BRWD3: variants seen among roughly 807,000 people sequenced by gnomAD.
BRWD3 encodes the protein bromodomain and WD repeat-containing protein 3.
BRWD3 carries 10 observed loss-of-function variants against 149.7 expected under a neutral mutation model. The ratio of observed to expected loss-of-function variants is 0.07; its 90% CI spans 0.04 to 0.11. The LOEUF (loss-of-function observed/expected upper bound fraction) is 0.11, where lower values mean the gene tolerates loss of function less well. Among genes scored for constraint, BRWD3 ranks in the 10% least tolerant of loss-of-function variants. The pLI is 1.00. For missense variants in BRWD3, 940 were observed against 1,373.2 expected, an observed-to-expected ratio of 0.68 and a Z score of 4.99; for synonymous variants, 504 against 456.7, an observed-to-expected ratio of 1.10 and a Z score of -1.32.
At chrX:80,781,719 C>A (rs1165156930) in intron 6 of BRWD3, among the ~76,000 whole-genome samples, 1 of 111,036 alleles carries the variant, frequency 9.0e-6, no homozygotes, top group African/African-American at 3.3e-5. Flanking sequence ...GCCAACAGAG[C>A]ACAATATGAA....
rs902805725 is a variant in BRWD3, at chrX:80,706,799, G to A, written c.2552+628C>T. Among the ~76,000 whole-genome samples, 8 of 113,036 alleles carry A rather than the reference G, an allele frequency of 7.1e-5. 1 individual carries two copies. The highest frequency in any genetic ancestry group is 2.8e-4 in the Admixed American group (3 of 10,740). On this transcript the variant is annotated intron_variant, in intron 22 of 40. Transcript: ENST00000373275. ...ACACCCTGCTACGCAGGAGGCTGAG[G>A]TGGGACGACTGCTTGAGCCCAGGAG...
chrX:80,724,881 T>A, intron 15 of BRWD3, 52 bp downstream of exon 15: 2 of 1,180,809 alleles, frequency 1.7e-6, no homozygotes, highest in South Asian at 3.6e-5. Flanking sequence ...CAAGTTATTA[T>A]ATGAGAGAAG....
intron 6 of BRWD3, among the ~76,000 whole-genome samples, chrX:80,762,167 G>A (rs1338541611): frequency 9.0e-6 from 1 of 111,527 alleles, no homozygotes; most frequent in Non-Finnish European, 1.9e-5. Context: ...CCATTTCTGA[G>A]GCTCTCGGAA....
intron 6 of BRWD3, among the ~76,000 whole-genome samples, chrX:80,771,773 G>C (rs1011782813): frequency 9.0e-6 from 1 of 111,175 alleles, no homozygotes; most frequent in South Asian, 3.7e-4. Flanking sequence ...ATTTACAAGA[G>C]AAAAACAAAC....
intron 24 of BRWD3, among the ~76,000 whole-genome samples, chrX:80,703,152 G>C (rs1261337696): frequency 1.8e-5 from 2 of 110,590 alleles, no homozygotes; most frequent in Non-Finnish European, 3.8e-5. Flanking sequence ...ATTGGAACAT[G>C]AATGAGGACT....
intron 27 of BRWD3, among the ~76,000 whole-genome samples, chrX:80,693,918 C>T (rs182009257): frequency 8.8e-4 from 98 of 111,722 alleles, no homozygotes; most frequent in Non-Finnish European, 1.3e-3. Context: ...AAGCCAGCTG[C>T]AGAAATTTGC....
rs764349135 is a variant in BRWD3 at position 80,728,917 on chromosome X, A to T, written c.1233-12T>A. 8.3e-7 allele frequency: 1 copy of T among 1,198,444 alleles called. No individual in the cohort carries two copies. Among genetic ancestry groups the T allele is most frequent in the African/African-American group, 1.8e-5 (1 of 57,010 alleles). On this transcript the variant is annotated splice_polypyrimidine_tract_variant and intron_variant, in intron 13 of 40. Transcript: ENST00000373275. ...ATGGCAAATTATTGCTAAACAAAAC[A>T]ATTTGCAGTATTCATATCTTATAAA... is the stretch of plus-strand genomic sequence containing the variant.
At chrX:80,750,478 C>T (rs2073651016) in intron 6 of BRWD3, among the ~76,000 whole-genome samples, 1 of 110,978 alleles carries the variant, frequency 9.0e-6, no homozygotes, top group East Asian at 2.8e-4. Context: ...CGAAAAAATG[C>T]TCAACATCTC....
chrX:80,700,088 T>C, intron 24 of BRWD3, 24 bp from the exon 25 acceptor site: 4 of 1,091,132 alleles, frequency 3.7e-6, no homozygotes, highest in Non-Finnish European at 5.1e-6. Context: ...CATAAGGTAT[T>C]AAACAGCAGC....
At chrX:80,753,293 T>C (rs1332802178) in intron 6 of BRWD3, among the ~76,000 whole-genome samples, 3 of 105,279 alleles carry the variant, frequency 2.8e-5, no homozygotes, top group African/African-American at 1.1e-4. Flanking sequence ...TTTTTTTAGA[T>C]GGAGTTTCAC....
At chrX:80,775,415 A>G (rs1337249339) in intron 6 of BRWD3, among the ~76,000 whole-genome samples, 1 of 111,882 alleles carries the variant, frequency 8.9e-6, no homozygotes, top group African/African-American at 3.2e-5. Flanking sequence ...TGGGGCCCAG[A>G]GTATATTGAA....
rs755920850 is a variant in BRWD3 at position 80,677,261 on chromosome X, C to T, written c.4757G>A (p.Gly1586Glu). Residue 1586 changes from glycine (G) to glutamate (E), a missense_variant, in exon 41 of 41, where the codon GGA becomes GAA. Physicochemically the swap from Gly to Glu is moderately conservative, Grantham distance 98 (BLOSUM62 -2). Coordinates refer to ENST00000373275, the MANE Select transcript of BRWD3 (RefSeq NM_153252.5). ...TTCTTTTTTCTCTTTATCTTCTCCTCCCATGTTTTCATCTTCTTCTGATGC... is the reference window on the plus strand; with the variant it reads ...TTCTTTTTTCTCTTTATCTTCTCCTTCCATGTTTTCATCTTCTTCTGATGC... Reference protein sequence around the residue: ...LSASEEDENMGGEDKEKKETK... With the variant: ...LSASEEDENMEGEDKEKKETK... 19 of 1,208,740 alleles carry T rather than the reference C, an allele frequency of 1.6e-5. No individual in the cohort carries two copies. The South Asian group carries it at 3.0e-4, about 19-fold the overall frequency.
intron 40 of BRWD3, 29 bp from the exon 41 acceptor site, chrX:80,677,392 T>C (rs1161649550): frequency 8.4e-7 from 1 of 1,184,149 alleles, no homozygotes; most frequent in Admixed American, 2.4e-5. Context: ...TTTTTAATAG[T>C]TAAGCTTTGA....
intron 4 of BRWD3, among the ~76,000 whole-genome samples, chrX:80,795,453 G>A (rs916501707): frequency 9.2e-6 from 1 of 108,951 alleles, no homozygotes; most frequent in African/African-American, 3.3e-5. Context: ...ATATGTATGT[G>A]TATATGTATA....
At chrX:80,696,537 C>CAA (rs1199917185) in intron 26 of BRWD3, among the ~76,000 whole-genome samples, 1 of 108,084 alleles carries the variant, frequency 9.3e-6, no homozygotes, top group Non-Finnish European at 1.9e-5. Context: ...CACACACACA[C>CAA]ACACACACAC....
At chrX:80,758,237 A>T (rs2073765734) in intron 6 of BRWD3, among the ~76,000 whole-genome samples, 1 of 111,890 alleles carries the variant, frequency 8.9e-6, no homozygotes, top group Non-Finnish European at 1.9e-5. Context: ...AAGTCAAACG[A>T]GGTCTCTGTC....
At chrX:80,756,674 T>C (rs1228536590) in intron 6 of BRWD3, among the ~76,000 whole-genome samples, 3 of 111,279 alleles carry the variant, frequency 2.7e-5, no homozygotes, top group Non-Finnish European at 5.7e-5. Flanking sequence ...CAGATACAAT[T>C]GAAAAGTGTT....
rs1040821601 is a variant in BRWD3, at chrX:80,695,578, A to T, written c.3151+330T>A. ...GGAGGGAAACAAGGATGGAGGAAGG[A>T]AAAAAGGAAACAAATCACAATCAGT... is the stretch of plus-strand genomic sequence containing the variant. On this transcript the variant is annotated intron_variant, in intron 27 of 40. Transcript: ENST00000373275. Among the ~76,000 whole-genome samples, 4 of 111,838 alleles carry T rather than the reference A, an allele frequency of 3.6e-5. No homozygotes were observed. The East Asian group carries it at 8.4e-4, about 23-fold the overall frequency.
chrX:80,802,429 A>G (rs2074307896), intron 4 of BRWD3, among the ~76,000 whole-genome samples: 1 of 97,007 alleles, frequency 1.0e-5, no homozygotes, highest in African/African-American at 3.8e-5. Context: ...GCGACAGAGC[A>G]AGACTCTCAT....
Sources: allele counts gnomAD v4.1 joint callset (sites outside exome capture counted in the v4.1 genomes callset), GRCh38; gene constraint gnomAD v4.1.1; transcripts MANE v1.5; gene names NCBI Gene and HGNC (gene_info 2026-07-23, HGNC 2026-07-21).